The following CEP104 variants were observed in gnomAD, a reference collection of about 807,000 sequenced individuals.
The protein encoded by CEP104 is centrosomal protein of 104 kDa.
CEP104 carries 84 observed loss-of-function variants against 113.3 expected under a neutral mutation model. The ratio of observed to expected loss-of-function variants is 0.74; its 90% CI spans 0.62 to 0.89. The LOEUF is 0.89. CEP104 is among the 40% of genes least tolerant of loss of function. The pLI is 0.00. For missense variants in CEP104, 1,053 were observed against 1,156.6 expected, an observed-to-expected ratio of 0.91 and a Z score of 1.30; for synonymous variants, 378 against 421.7, an observed-to-expected ratio of 0.90 and a Z score of 1.27.
At chr1:3,835,787 A>T in intron 10 of CEP104, among the ~76,000 whole-genome samples, 1 of 152,372 alleles carries the variant, frequency 6.6e-6, no homozygotes, top group East Asian at 1.9e-4. Context: ...CATGAATGCC[A>T]GAAGGAAACA....
intron 6 of CEP104, among the ~76,000 whole-genome samples, chr1:3,840,504 T>C (rs1644393075): frequency 6.6e-6 from 1 of 152,052 alleles, no homozygotes; most frequent in African/African-American, 2.4e-5. Flanking sequence ...TCCCAAAGTG[T>C]TGGGATTATA....
chr1:3,845,164 A>C, intron 5 of CEP104, 125 bp downstream of exon 5: 2 of 863,634 alleles, frequency 2.3e-6, no homozygotes, highest in Non-Finnish European at 3.7e-6. Flanking sequence ...AAATCATCTG[A>C]AAGTTATTCA....
intron 6 of CEP104, chr1:3,843,360 C>G (rs1267814991): frequency 4.0e-6 from 2 of 497,260 alleles, no homozygotes; most frequent in Non-Finnish European, 7.3e-6. Flanking sequence ...GCAACAGCAG[C>G]AGAAAAATAT....
intron 6 of CEP104, among the ~76,000 whole-genome samples, chr1:3,843,544 G>A (rs1557685835): frequency 6.6e-6 from 1 of 151,524 alleles, no homozygotes; most frequent in South Asian, 2.1e-4. Context: ...TAGAGATGGG[G>A]TTTTGACATG....
At chr1:3,850,209 C>G (rs1305710227) in intron 2 of CEP104, among the ~76,000 whole-genome samples, 2 of 152,142 alleles carry the variant, frequency 1.3e-5, no homozygotes. Context: ...TTTAAAAAAT[C>G]CTTCCAAAAA....
intron 21 of CEP104, chr1:3,816,058 C>T (rs754582190): frequency 3.0e-5 from 15 of 502,876 alleles, no homozygotes; most frequent in Non-Finnish European, 5.0e-5. Context: ...GTGGAGCCTT[C>T]GCACTGCACA....
intron 13 of CEP104, 31 bp from the exon 14 acceptor site, chr1:3,830,028 T>C (rs1644171828): frequency 6.8e-7 from 1 of 1,480,528 alleles, no homozygotes; most frequent in Non-Finnish European, 9.4e-7. Context: ...TGTTACTCAT[T>C]CTTAAAATAA....
chr1:3,836,150 C>T (rs1278680443), intron 10 of CEP104, among the ~76,000 whole-genome samples: 2 of 151,846 alleles, frequency 1.3e-5, no homozygotes, highest in African/African-American at 2.4e-5. Context: ...AAAAAAATTA[C>T]AAAAAATTAG....
At chr1:3,850,107 G>GTACA (rs1644582760) in intron 2 of CEP104, among the ~76,000 whole-genome samples, 5 of 152,320 alleles carry the variant, frequency 3.3e-5, no homozygotes, top group Admixed American at 3.3e-4. Context: ...GTACCATCTG[G>GTACA]GTTTGAGGGC....
intron 2 of CEP104, among the ~76,000 whole-genome samples, chr1:3,849,557 C>G (rs1056589549): frequency 2.0e-5 from 3 of 152,198 alleles, no homozygotes; most frequent in African/African-American, 7.2e-5. Context: ...TATTAAATAA[C>G]TAAGAGTTGG....
intron 9 of CEP104, 100 bp downstream of exon 9, chr1:3,837,192 C>T: frequency 1.1e-6 from 1 of 948,622 alleles, no homozygotes; most frequent in East Asian, 2.6e-5. Flanking sequence ...GGCTGGGGAG[C>T]ACTCATGCAC....
At chr1:3,832,318 C>A (rs1644225590) in intron 12 of CEP104, among the ~76,000 whole-genome samples, 1 of 150,188 alleles carries the variant, frequency 6.7e-6, no homozygotes, top group Admixed American at 6.6e-5. Context: ...TAGGTCGTAA[C>A]CAGGAGTGTA....
chr1:3,829,192 G>A (rs1368548065), intron 15 of CEP104, 74 bp downstream of exon 15: 13 of 1,012,154 alleles, frequency 1.3e-5, no homozygotes, highest in Non-Finnish European at 1.7e-5. Context: ...AATAAGTCAA[G>A]TATGATGTGG....
At chr1:3,818,653 G>A (rs1325230579) in intron 20 of CEP104, among the ~76,000 whole-genome samples, 1 of 152,110 alleles carries the variant, frequency 6.6e-6, no homozygotes, top group Non-Finnish European at 1.5e-5. Context: ...GAAGAATAAT[G>A]GTCAATGATT....
chr1:3,842,269 AC>A (rs1331363517), intron 6 of CEP104, among the ~76,000 whole-genome samples: 1 of 151,754 alleles, frequency 6.6e-6, no homozygotes, highest in Non-Finnish European at 1.5e-5. Context: ...TTTAGTAGAG[AC>A]GGGGTTTCAC....
Position 3,849,527 on chromosome 1 carries a change from A to G in CEP104, c.114-746T>C, listed in dbSNP as rs181037805. On this transcript the variant is annotated intron_variant, in intron 2 of 21. Transcript: ENST00000378230. ...ATTACAGGTGTGAGCCACTGGGCCCAGCCCAAAAGTAACACAACGTATTAA... is the reference window on the plus strand; with the variant it reads ...ATTACAGGTGTGAGCCACTGGGCCCGGCCCAAAAGTAACACAACGTATTAA... Among the ~76,000 whole-genome samples, 905 of 152,340 alleles carry G rather than the reference A, an allele frequency of 5.9e-3. 8 individuals are homozygous for G. Among genetic ancestry groups the G allele is most frequent in the African/African-American group, 0.02 (842 of 41,580 alleles).
At chr1:3,818,583 G>A (rs1014347065) in intron 20 of CEP104, among the ~76,000 whole-genome samples, 3 of 152,154 alleles carry the variant, frequency 2.0e-5, no homozygotes, top group Non-Finnish European at 4.4e-5. Flanking sequence ...CATAGGGCCC[G>A]CCAGGCCATG....
intron 5 of CEP104, 44 bp from the exon 6 acceptor site, chr1:3,845,027 G>C (rs747060450): frequency 1.8e-5 from 26 of 1,478,216 alleles, no homozygotes; most frequent in Non-Finnish European, 2.4e-5. Context: ...AGAGAAAGAG[G>C]AACAACACAA....
intron 3 of CEP104, among the ~76,000 whole-genome samples, chr1:3,847,888 G>T (rs776567771): frequency 2.0e-5 from 3 of 152,068 alleles, no homozygotes; most frequent in Non-Finnish European, 4.4e-5. Context: ...AGGCTGGAGT[G>T]CAGTGGCGCG....
Sources: gnomAD v4.1 joint callset for allele counts (sites outside exome capture counted in the v4.1 genomes callset) on GRCh38, gnomAD v4.1.1 for gene constraint, MANE v1.5 for transcripts, NCBI Gene and HGNC (gene_info 2026-07-23, HGNC 2026-07-21) for gene names.